Variants in RPA2 observed in about 807,000 individuals in gnomAD.
RPA2 encodes the protein replication protein A 32 kDa subunit.
In RPA2, 22 loss-of-function variants were observed where a neutral mutation model predicts 33.4. That is an observed-to-expected ratio of 0.66 (90% confidence interval 0.47 to 0.94). The LOEUF (loss-of-function observed/expected upper bound fraction) is 0.94. RPA2 is among the 40% of genes least tolerant of loss of function. The probability of loss-of-function intolerance (pLI) is 0.00; values close to 1 mark genes in which losing one functional copy is unlikely to be tolerated. For synonymous variants in RPA2, 109 were observed against 114.9 expected (o/e 0.95, Z 0.33); for missense variants, 279 against 329.9 (o/e 0.85, Z 1.19).
rs145229337 is a variant in RPA2, at chr1:27,908,804, A to G, written c.118-1522T>C. Among the ~76,000 whole-genome samples the G allele has an allele frequency of 4.5e-3, 691 of 152,302 alleles. 10 individuals are homozygous for G. The highest frequency in any genetic ancestry group is 0.016 in the African/African-American group (645 of 41,566). The stretch of plus-strand genomic sequence containing the variant: ...TGAGCCACCGCGCCAGGCCCAAATC[A>G]TATCTTAAAGCAGCCAGACAACAGT... On this transcript the variant is annotated intron_variant, in intron 2 of 8. Transcript: ENST00000373912.
intron 6 of RPA2, among the ~76,000 whole-genome samples, chr1:27,895,999 T>C (rs941103684): frequency 6.6e-6 from 1 of 152,166 alleles, no homozygotes. Context: ...TGTACCATTC[T>C]TGTTCCCTCC....
chr1:27,900,000 G>C (rs947526787), intron 4 of RPA2, among the ~76,000 whole-genome samples: 1 of 151,190 alleles, frequency 6.6e-6, no homozygotes, highest in Non-Finnish European at 1.5e-5. Context: ...TAATAGACAG[G>C]GTTTTGCCAC....
upstream of RPA2, chr1:27,914,633 T>C (rs1190861244): frequency 2.5e-6 from 4 of 1,613,950 alleles, no homozygotes; most frequent in Non-Finnish European, 3.4e-6. Flanking sequence ...TCACGGATGC[T>C]ACGCTTGTTC....
At chr1:27,896,866 T>G in intron 6 of RPA2, 139 bp downstream of exon 6, 17 of 594,458 alleles carry the variant, frequency 2.9e-5, no homozygotes, top group East Asian at 8.3e-5. Flanking sequence ...ACAAAGCTAA[T>G]GGAGAAAGTG....
intron 4 of RPA2, among the ~76,000 whole-genome samples, chr1:27,902,964 CTT>C (rs2089985115): frequency 1.3e-5 from 2 of 152,210 alleles, no homozygotes; most frequent in South Asian, 4.2e-4. Context: ...GAGTTTTGCT[CTT>C]GTTGCCCAGG....
intron 2 of RPA2, among the ~76,000 whole-genome samples, chr1:27,910,833 C>T (rs1014567576): frequency 3.3e-5 from 5 of 151,946 alleles, no homozygotes; most frequent in Non-Finnish European, 2.9e-5. Context: ...TGCACTCCAG[C>T]GGGGGTGAAA....
intron 8 of RPA2, among the ~76,000 whole-genome samples, chr1:27,892,994 G>T (rs1440956297): frequency 6.6e-6 from 1 of 152,190 alleles, no homozygotes; most frequent in African/African-American, 2.4e-5. Context: ...ATGGAATCAG[G>T]ACAAGGGTGT....
Position 27,907,183 on chromosome 1 carries a change from G to C in RPA2, c.217C>G (p.Gln73Glu), listed in dbSNP as rs776720485. 1 of 1,611,276 alleles carries C rather than the reference G, an allele frequency of 6.2e-7. No homozygotes were observed. Among genetic ancestry groups the C allele is most frequent in the Non-Finnish European group, 8.5e-7 (1 of 1,178,954 alleles). Residue 73 changes from glutamine to glutamate, a missense_variant and splice_region_variant, in exon 3 of 9, where the codon CAG (glutamine) becomes GAG (glutamate). Gln to Glu is a conservative substitution (Grantham distance 29, BLOSUM62 2). Coordinates refer to ENST00000373912, the MANE Select transcript of RPA2 (RefSeq NM_002946.5). ...VFRIGNVEISQVTIVGIIRHA... is the reference protein window; with the variant it reads ...VFRIGNVEISEVTIVGIIRHA... The stretch of plus-strand genomic sequence containing the variant: ...CTTTCACAAATTATTTGACATACCT[G>C]TGAAATCTCAACATTCCCAATTCTG...
At chr1:27,912,961 T>G (rs144533032) in intron 2 of RPA2, among the ~76,000 whole-genome samples, 1 of 152,182 alleles carries the variant, frequency 6.6e-6, no homozygotes, top group African/African-American at 2.4e-5. Context: ...ACCACATTTC[T>G]TTTTTTGAGA....
chr1:27,905,869 C>T (rs988938991), intron 4 of RPA2, among the ~76,000 whole-genome samples: 4 of 151,954 alleles, frequency 2.6e-5, no homozygotes. Flanking sequence ...CCTCGTGATC[C>T]GCCCACCTCG....
chr1:27,901,398 T>C (rs536521532), intron 4 of RPA2, among the ~76,000 whole-genome samples: 228 of 152,250 alleles, frequency 1.5e-3, no homozygotes, highest in South Asian at 7.0e-3. Context: ...GTTTCGCTCC[T>C]GTTGCCCAGG....
At position 27,907,301 on chromosome 1, in the gene RPA2, C is replaced by T. The variant is rs1428622937; in HGVS notation, c.118-19G>A. 23 of 1,581,968 alleles carry T rather than the reference C, an allele frequency of 1.5e-5. No individual in the cohort carries two copies. The highest frequency in any genetic ancestry group is 1.8e-5 in the Non-Finnish European group (21 of 1,163,010). ...GGGCTCTCTGAAAAGAAAAAACATG[C>T]AAAATTCAATTAAGAAAGTAATAAC... On this transcript the variant is annotated intron_variant, in intron 2 of 8. Coordinates refer to ENST00000373912, the MANE Select transcript of RPA2 (RefSeq NM_002946.5).
intron 2 of RPA2, among the ~76,000 whole-genome samples, chr1:27,909,475 A>C (rs1481859749): frequency 6.6e-6 from 1 of 152,076 alleles, no homozygotes; most frequent in Non-Finnish European, 1.5e-5. Flanking sequence ...CCCAAGGCCG[A>C]GGCGGGCAGA....
intron 8 of RPA2, among the ~76,000 whole-genome samples, 163 bp downstream of exon 8, chr1:27,893,849 T>C (rs910409286): frequency 2.0e-5 from 3 of 152,124 alleles, no homozygotes; most frequent in Non-Finnish European, 4.4e-5. Context: ...CCTCAGGTGA[T>C]CCACCTGCCT....
chr1:27,905,752 C>T (rs1243709830), intron 4 of RPA2, among the ~76,000 whole-genome samples: 1 of 151,926 alleles, frequency 6.6e-6, no homozygotes, highest in Non-Finnish European at 1.5e-5. Context: ...CTCAGCCTCC[C>T]GAGGAGCTGG....
chr1:27,914,515 C>T lies in RPA2; in HGVS notation c.-72G>A. On this transcript the variant is annotated 5_prime_UTR_variant, in exon 1 of 9. Coordinates refer to ENST00000373912, the MANE Select transcript of RPA2 (RefSeq NM_002946.5). ...GGGAATAGCGGAAAACCACAGAACG[C>T]GGCCGCCACTGCGCCGCTCTGGCTA... 6.3e-7 allele frequency: 1 copy of T among 1,597,416 alleles called. No individual in the cohort carries two copies. Among genetic ancestry groups the T allele is most frequent in the Non-Finnish European group, 8.5e-7 (1 of 1,172,752 alleles).
intron 4 of RPA2, among the ~76,000 whole-genome samples, chr1:27,906,217 A>G (rs552656971): frequency 6.6e-6 from 1 of 152,152 alleles, no homozygotes; most frequent in Admixed American, 6.5e-5. Context: ...TAAAAATACA[A>G]AAAATTAGGT....
intron 4 of RPA2, among the ~76,000 whole-genome samples, chr1:27,900,521 A>G (rs1028965517): frequency 3.3e-5 from 5 of 152,062 alleles, no homozygotes; most frequent in African/African-American, 1.2e-4. Flanking sequence ...CAATGGCACA[A>G]TCTGGGCTCA....
Position 27,914,152 on chromosome 1 carries a change from C to A in RPA2, c.28G>T (p.Gly10Cys). The A allele has an allele frequency of 6.2e-7, 1 of 1,613,670 alleles. No homozygotes were observed. The change falls in exon 2 of 9, where the codon GGC (glycine) becomes TGC (cysteine). Residue 10 changes from glycine (G) to cysteine (C), a missense_variant. Physicochemically the swap from Gly to Cys is radical, Grantham distance 159 (BLOSUM62 -3). Coordinates refer to ENST00000373912, the MANE Select transcript of RPA2 (RefSeq NM_002946.5). ...CCGGCTCCCCCGTATGAGGAGCTGC[C>A]ATAGCTTTCGAATCCACCTGTTTTG... MWNSGFESY[G>C]SSSYGGAGGY...
Sources: allele counts gnomAD v4.1 joint callset (sites outside exome capture counted in the v4.1 genomes callset), GRCh38; gene constraint gnomAD v4.1.1; transcripts MANE v1.5; gene names NCBI Gene and HGNC (gene_info 2026-07-23, HGNC 2026-07-21).